The following SIK2 variants were observed in gnomAD, a reference collection of about 807,000 sequenced individuals.
The protein encoded by SIK2 is serine/threonine-protein kinase SIK2.
A neutral mutation model predicts 103.2 loss-of-function variants in SIK2; 29 were observed. The observed-to-expected ratio is 0.28, with a 90% CI of 0.21 to 0.38. SIK2 has a LOEUF of 0.38. Ranked by LOEUF, SIK2 falls within the 10% of genes least tolerant of loss-of-function variation. SIK2 has a pLI of 1.00. For synonymous variants in SIK2, 412 were observed against 446.1 expected (o/e 0.92, Z 0.96); for missense variants, 879 against 1,171.0 (o/e 0.75, Z 3.64).
chr11:111,629,152 A>C (rs1942005112), intron 3 of SIK2, among the ~76,000 whole-genome samples: 1 of 152,190 alleles, frequency 6.6e-6, no homozygotes, highest in Non-Finnish European at 1.5e-5. Flanking sequence ...AAAGGTTTTA[A>C]GCAAGAGGCA....
At chr11:111,693,105 G>A (rs188886383) in intron 4 of SIK2, among the ~76,000 whole-genome samples, 30 of 152,152 alleles carry the variant, frequency 2.0e-4, no homozygotes, top group Non-Finnish European at 3.7e-4. Flanking sequence ...GGGCCAAGGT[G>A]GGCGGATCAC....
At chr11:111,637,456 C>CTTTTTTTTTT (rs558690499) in intron 3 of SIK2, among the ~76,000 whole-genome samples, 1 of 124,710 alleles carries the variant, frequency 8.0e-6, no homozygotes, top group African/African-American at 3.1e-5. Flanking sequence ...TTTGTAATAT[C>CTTTTTTTTTT]TTTTTTTTTT....
intron 4 of SIK2, among the ~76,000 whole-genome samples, chr11:111,693,209 G>A (rs1444153640): frequency 6.6e-6 from 1 of 152,078 alleles, no homozygotes; most frequent in Non-Finnish European, 1.5e-5. Flanking sequence ...GTGCATGCCT[G>A]TAATCCCAGC....
chr11:111,661,835 G>A (rs1942471968), intron 3 of SIK2, among the ~76,000 whole-genome samples: 1 of 152,146 alleles, frequency 6.6e-6, no homozygotes, highest in Admixed American at 6.5e-5. Flanking sequence ...ACTATCATGA[G>A]AACATCATGG....
chr11:111,675,395 A>ACAG (rs1218987166), intron 3 of SIK2, among the ~76,000 whole-genome samples: 1 of 152,238 alleles, frequency 6.6e-6, no homozygotes, highest in Non-Finnish European at 1.5e-5. Flanking sequence ...GTAATGTACT[A>ACAG]CAGCAGTATT....
At chr11:111,648,481 A>T (rs1411913138) in intron 3 of SIK2, among the ~76,000 whole-genome samples, 4 of 152,116 alleles carry the variant, frequency 2.6e-5, no homozygotes, top group African/African-American at 9.7e-5. Flanking sequence ...CAGTGCCCTC[A>T]TGACCTAATC....
At chr11:111,647,986 A>G (rs1346771951) in intron 3 of SIK2, among the ~76,000 whole-genome samples, 5 of 152,148 alleles carry the variant, frequency 3.3e-5, no homozygotes, top group Non-Finnish European at 7.4e-5. Context: ...CATTTTTATC[A>G]TATAGTAAAT....
At chr11:111,620,692 T>G (rs916086578) in intron 3 of SIK2, among the ~76,000 whole-genome samples, 1 of 152,198 alleles carries the variant, frequency 6.6e-6, no homozygotes, top group African/African-American at 2.4e-5. Context: ...TTATCTTCCT[T>G]TTTACCTTTC....
At chr11:111,634,664 C>T (rs1216387416) in intron 3 of SIK2, among the ~76,000 whole-genome samples, 2 of 152,308 alleles carry the variant, frequency 1.3e-5, no homozygotes, top group East Asian at 1.9e-4. Context: ...TTCTGTAATA[C>T]AGATCTGATT....
intron 4 of SIK2, among the ~76,000 whole-genome samples, chr11:111,695,285 A>T (rs1189354491): frequency 6.6e-6 from 1 of 152,210 alleles, no homozygotes; most frequent in Non-Finnish European, 1.5e-5. Flanking sequence ...AGGATTTTTT[A>T]AATTATAAAT....
At position 111,602,962 on chromosome 11, in the gene SIK2, C is replaced by G. The variant is rs538895823; in HGVS notation, c.135+264C>G. Among the ~76,000 whole-genome samples, 2 of 152,124 alleles carry G rather than the reference C, an allele frequency of 1.3e-5. No individual in the cohort carries two copies. Among genetic ancestry groups the G allele is most frequent in the Non-Finnish European group, 2.9e-5 (2 of 67,990 alleles). The stretch of plus-strand genomic sequence containing the variant: ...GGCTTTGCTTTCCCCTACGCCACCC[C>G]CGGTGGCCACCCGGAATTTCGCCCA... On this transcript the variant is annotated intron_variant, in intron 1 of 14. Transcript: ENST00000304987. The surrounding 1 kb of genome is among the most constrained non-coding windows in gnomAD (Gnocchi z 4.5).
chr11:111,622,262 T>C (rs1379238377), intron 3 of SIK2, among the ~76,000 whole-genome samples: 2 of 131,426 alleles, frequency 1.5e-5, no homozygotes, highest in Non-Finnish European at 3.2e-5. Flanking sequence ...TTTTTTTTTT[T>C]TTTTTTTTTT....
intron 3 of SIK2, among the ~76,000 whole-genome samples, chr11:111,674,792 G>C (rs1420052063): frequency 2.0e-5 from 3 of 151,870 alleles, no homozygotes; most frequent in African/African-American, 7.3e-5. Flanking sequence ...TGTCACCCAG[G>C]CTGGAATGCA....
chr11:111,629,685 A>G (rs1942011776), intron 3 of SIK2, among the ~76,000 whole-genome samples: 1 of 152,196 alleles, frequency 6.6e-6, no homozygotes, highest in African/African-American at 2.4e-5. Context: ...CAGACAAAAG[A>G]TATACAAATG....
intron 12 of SIK2, 103 bp from the exon 13 acceptor site, chr11:111,721,727 G>C (rs764634859): frequency 5.3e-5 from 40 of 749,570 alleles, no homozygotes; most frequent in Non-Finnish European, 7.9e-5. Context: ...AGTCTCAGTG[G>C]AGTTGGTATT....
At chr11:111,652,343 G>T (rs1942337619) in intron 3 of SIK2, among the ~76,000 whole-genome samples, 1 of 152,140 alleles carries the variant, frequency 6.6e-6, no homozygotes, top group Non-Finnish European at 1.5e-5. Flanking sequence ...ACATTCATAT[G>T]TGAGGATTAT....
intron 3 of SIK2, among the ~76,000 whole-genome samples, chr11:111,663,502 T>C (rs1376794222): frequency 6.6e-6 from 1 of 152,082 alleles, no homozygotes; most frequent in Non-Finnish European, 1.5e-5. Flanking sequence ...TGGGGTCTAA[T>C]AGACCATGGT....
chr11:111,649,017 A>G (rs1942294663), intron 3 of SIK2, among the ~76,000 whole-genome samples: 1 of 152,198 alleles, frequency 6.6e-6, no homozygotes. Context: ...ATTGTTAGTC[A>G]GCAAAATGAA....
At chr11:111,628,215 A>G (rs1941986401) in intron 3 of SIK2, among the ~76,000 whole-genome samples, 1 of 152,182 alleles carries the variant, frequency 6.6e-6, no homozygotes, top group Non-Finnish European at 1.5e-5. Flanking sequence ...CTGCTTCATT[A>G]TAAACCAACC....
Sources: gnomAD v4.1 joint callset for allele counts (sites outside exome capture counted in the v4.1 genomes callset) on GRCh38, gnomAD v4.1.1 for gene constraint, Gnocchi (gnomAD v3.1) non-coding constraint, MANE v1.5 for transcripts, NCBI Gene and HGNC (gene_info 2026-07-23, HGNC 2026-07-21) for gene names.